LRRC49: variants seen among roughly 807,000 people sequenced by gnomAD.
The protein encoded by LRRC49 is leucine rich repeat containing 49, also known as leucine-rich repeat-containing protein 49.
In LRRC49, 50 loss-of-function variants were observed where a neutral mutation model predicts 83.3. The observed-to-expected ratio is 0.60, with a 90% CI of 0.48 to 0.76. The LOEUF is 0.76. Among genes scored for constraint, LRRC49 ranks in the 30% least tolerant of loss-of-function variants. The pLI, the probability that LRRC49 is intolerant of heterozygous loss-of-function variation, is 0.00. For synonymous variants in LRRC49, 286 were observed against 283.3 expected (o/e 1.01, Z -0.10); for missense variants, 704 against 809.1 (o/e 0.87, Z 1.58).
At chr15:70,956,181 T>C (rs1335632052) in intron 8 of LRRC49, among the ~76,000 whole-genome samples, 1 of 152,232 alleles carries the variant, frequency 6.6e-6, no homozygotes. Context: ...ATCTATGCTG[T>C]GTGATACATG....
chr15:70,913,536 T>C (rs2034636737), intron 6 of LRRC49, among the ~76,000 whole-genome samples: 1 of 152,070 alleles, frequency 6.6e-6, no homozygotes, highest in Non-Finnish European at 1.5e-5. Flanking sequence ...AAGAATATCA[T>C]ATGCAAAGGC....
chr15:71,004,466 A>G (rs994900274), intron 11 of LRRC49, among the ~76,000 whole-genome samples: 1 of 152,080 alleles, frequency 6.6e-6, no homozygotes, highest in Admixed American at 6.5e-5. Flanking sequence ...CCTGGCCAAC[A>G]TGGTGAAACC....
At chr15:70,885,436 A>T (rs952019271) in intron 2 of LRRC49, among the ~76,000 whole-genome samples, 4 of 152,204 alleles carry the variant, frequency 2.6e-5, no homozygotes, top group Non-Finnish European at 5.9e-5. Flanking sequence ...ACCTATGCAC[A>T]CTACAGTAAA....
intron 14 of LRRC49, among the ~76,000 whole-genome samples, chr15:71,022,068 G>T (rs2039011850): frequency 6.6e-6 from 1 of 152,096 alleles, no homozygotes; most frequent in Admixed American, 6.6e-5. Context: ...TATATTAATT[G>T]TTCTGATTAA....
chr15:71,035,025 A>T (rs1230359720), intron 14 of LRRC49, among the ~76,000 whole-genome samples: 1 of 152,210 alleles, frequency 6.6e-6, no homozygotes, highest in Admixed American at 6.5e-5. Context: ...CACATCCTGC[A>T]CAGGTATCCT....
rs148490402 is a variant in LRRC49 at position 71,033,475 on chromosome 15, C to G, written c.1704-3704C>G. ...TGGCCATACTGCCCAAAGCAATTTA[C>G]AGATTCAATGCTACTTCCATTAAAC... On this transcript the variant is annotated intron_variant, in intron 14 of 15. Transcript: ENST00000260382. Among the ~76,000 whole-genome samples, 141 of 152,242 alleles carry G rather than the reference C, an allele frequency of 9.3e-4. 3 individuals carry two copies. In the East Asian group the frequency reaches 0.022, roughly 24 times the overall value.
intron 9 of LRRC49, among the ~76,000 whole-genome samples, chr15:70,970,331 G>A (rs1420660031): frequency 6.6e-6 from 1 of 152,114 alleles, no homozygotes; most frequent in South Asian, 2.1e-4. Context: ...ATGAAGCTGG[G>A]TTGATCGTGG....
At chr15:71,046,482 T>A (rs2039858266) in intron 15 of LRRC49, among the ~76,000 whole-genome samples, 1 of 152,234 alleles carries the variant, frequency 6.6e-6, no homozygotes, top group South Asian at 2.1e-4. Context: ...CATATCCTTG[T>A]TGGCCACTTG....
At chr15:70,892,823 G>C (rs1479611340), upstream of LRRC49, 3 of 1,613,836 alleles carry the variant, frequency 1.9e-6, no homozygotes, top group Admixed American at 3.3e-5. Context: ...ACCTCTTTCG[G>C]GTCTCTTTGA....
intron 11 of LRRC49, among the ~76,000 whole-genome samples, chr15:71,005,868 C>A (rs951678258): frequency 1.3e-5 from 2 of 152,136 alleles, no homozygotes; most frequent in Non-Finnish European, 2.9e-5. Flanking sequence ...ACTAGAAGAA[C>A]AATCCCCAAA....
intron 6 of LRRC49, among the ~76,000 whole-genome samples, chr15:70,914,126 G>A (rs981342024): frequency 6.6e-6 from 1 of 151,810 alleles, no homozygotes; most frequent in African/African-American, 2.4e-5. Context: ...AGTTTTAAAT[G>A]AAAATCTGAG....
At chr15:70,863,552 G>C (rs929146403) in intron 1 of LRRC49, among the ~76,000 whole-genome samples, 2 of 152,188 alleles carry the variant, frequency 1.3e-5, no homozygotes, top group Non-Finnish European at 2.9e-5. Context: ...CCAGTTAGCA[G>C]ATTCAAAAAT....
chr15:70,860,591 T>G (rs1375778613), intron 1 of LRRC49, among the ~76,000 whole-genome samples: 1 of 152,156 alleles, frequency 6.6e-6, no homozygotes, highest in Non-Finnish European at 1.5e-5. Flanking sequence ...TTAAGTTTTT[T>G]GTAGAGATAG....
intron 11 of LRRC49, among the ~76,000 whole-genome samples, chr15:71,007,104 T>C (rs1420229467): frequency 1.3e-5 from 2 of 152,008 alleles, no homozygotes; most frequent in African/African-American, 4.8e-5. Flanking sequence ...TCACTTAAAG[T>C]AGACTGATGT....
chr15:70,856,719 G>A (rs1595961899), intron 1 of LRRC49, among the ~76,000 whole-genome samples: 1 of 152,192 alleles, frequency 6.6e-6, no homozygotes. Flanking sequence ...CGTTTGCAAT[G>A]AGGAGAGTGA....
chr15:70,916,514 C>T (rs1232010371), intron 6 of LRRC49, among the ~76,000 whole-genome samples: 21 of 152,158 alleles, frequency 1.4e-4, no homozygotes, highest in Admixed American at 7.2e-4. Context: ...AGGCTGGTCT[C>T]AAACTCCTGA....
chr15:71,015,295 T>C (rs995977672), intron 14 of LRRC49, among the ~76,000 whole-genome samples: 2 of 152,136 alleles, frequency 1.3e-5, no homozygotes, highest in African/African-American at 4.8e-5. Context: ...TCCTCAACCT[T>C]TTTGGCACCA....
chr15:70,880,846 A>G (rs2033248574), intron 2 of LRRC49, among the ~76,000 whole-genome samples: 1 of 152,210 alleles, frequency 6.6e-6, no homozygotes, highest in Non-Finnish European at 1.5e-5. Flanking sequence ...AATTAAGGAG[A>G]TAGGCTATTT....
At chr15:70,872,222 C>T (rs1352672028) in intron 1 of LRRC49, among the ~76,000 whole-genome samples, 1 of 152,230 alleles carries the variant, frequency 6.6e-6, no homozygotes, top group Non-Finnish European at 1.5e-5. Context: ...GGCGAAACCC[C>T]GTCTCCACCA....
Sources: allele counts gnomAD v4.1 joint callset (sites outside exome capture counted in the v4.1 genomes callset), GRCh38; gene constraint gnomAD v4.1.1; transcripts MANE v1.5; gene names NCBI Gene and HGNC (gene_info 2026-07-23, HGNC 2026-07-21).